TTN: variants seen among roughly 807,000 people sequenced by gnomAD.
TTN encodes connectin.
TTN carries 1,525 observed loss-of-function variants against 3,223.0 expected under a neutral mutation model. That is an observed-to-expected ratio of 0.47 (90% CI 0.45 to 0.49). The LOEUF (loss-of-function observed/expected upper bound fraction) is 0.49, where lower values mean the gene tolerates loss of function less well. Ranked by LOEUF, TTN falls within the 20% of genes least tolerant of loss-of-function variation. The probability of loss-of-function intolerance (pLI) is 0.00; values close to 1 mark genes in which losing one functional copy is unlikely to be tolerated. For synonymous variants in TTN, 14,094 were observed against 15,161.0 expected (o/e 0.93, Z 5.17); for missense variants, 40,786 against 43,424.0 (o/e 0.94, Z 5.40).
In TTN at chr2:178,612,319, A is replaced by T; in HGVS notation, c.50206T>A (p.Tyr16736Asn). 1 of 1,612,616 alleles carries T rather than the reference A, an allele frequency of 6.2e-7. No individual in the cohort carries two copies. The highest frequency in any genetic ancestry group is 8.5e-7 in the Non-Finnish European group (1 of 1,179,188). The change falls in exon 266 of 363, where the codon TAC (tyrosine) becomes AAC (asparagine). Residue 16736 changes from tyrosine to asparagine, a missense_variant. By Grantham distance (143) the Tyr-to-Asn change is moderately radical (BLOSUM62 -2). Transcript: ENST00000589042. ...AAENAIGQSD[Y>N]TEIEDSVLAK... ...AGCACAGAGTCCTCAATTTCGGTGTAGTCGCTTTGTCCTATAGCATTTTCT... is the reference window on the plus strand; with the variant it reads ...AGCACAGAGTCCTCAATTTCGGTGTTGTCGCTTTGTCCTATAGCATTTTCT...
In TTN at chr2:178,537,849, G is replaced by A. The variant is rs772473414; in HGVS notation, c.99358C>T (p.Leu33120Phe). ...VTTKLGEAAQ[L>F]SCQIVGRPLP... ...GGCCTTCCAACAATCTGGCATGAGA[G>A]TTGAGCAGCTTCACCCAATTTTGTG... The change falls in exon 355 of 363, where the codon CTC (leucine) becomes TTC (phenylalanine). Residue 33120 changes from leucine (L) to phenylalanine (F), a missense_variant. Physicochemically the swap from Leu to Phe is conservative, Grantham distance 22. Transcript: ENST00000589042. The A allele has an allele frequency of 1.1e-5, 18 of 1,613,484 alleles. No homozygotes were observed. The highest frequency in any genetic ancestry group is 2.7e-5 in the African/African-American group (2 of 74,888).
chr2:178,586,564 G>A lies in TTN; in HGVS notation c.64337C>T (p.Ala21446Val). Residue 21446 changes from alanine (A) to valine (V), a missense_variant, in exon 308 of 363, where the codon GCT becomes GTT. By Grantham distance (64) the Ala-to-Val change is moderately conservative (BLOSUM62 0). Coordinates refer to ENST00000589042, the MANE Select transcript of TTN (RefSeq NM_001267550.2). ...TTCTCTTGGCAAACTGACTCCAACA[G>A]CATTTCTGGCCGCTACTCTAAATTT... ...KYKFRVAARN[A>V]VGVSLPREAE... is the part of the protein sequence containing the mutation. 6.2e-7 allele frequency: 1 copy of A among 1,613,232 alleles called. No individual in the cohort carries two copies. The highest frequency in any genetic ancestry group is 1.1e-5 in the South Asian group (1 of 91,048).
At chr2:178,652,032 T>A in intron 204 of TTN, 64 bp downstream of exon 204, 2 of 1,611,762 alleles carry the variant, frequency 1.2e-6, no homozygotes, top group Non-Finnish European at 1.7e-6. Flanking sequence ...TGCAAAAAAA[T>A]GTTTTTACAA....
intron 24 of TTN, 144 bp from the exon 25 acceptor site, chr2:178,778,119 C>G: frequency 9.8e-7 from 1 of 1,017,104 alleles, no homozygotes; most frequent in South Asian, 1.5e-5. Context: ...TCATTCAGAT[C>G]TAAAATAGAA....
Position 178,590,642 on chromosome 2 carries a change from A to T in TTN, c.61083T>A (p.Asp20361Glu), listed in dbSNP as rs1250284752. Residue 20361 changes from aspartate to glutamate, a missense_variant, in exon 304 of 363, where the codon GAT (aspartate) becomes GAA (glutamate). Coordinates refer to ENST00000589042, the MANE Select transcript of TTN (RefSeq NM_001267550.2). ...AGLSKPSPSSDPIKACRPIKP... is the reference protein window; with the variant it reads ...AGLSKPSPSSEPIKACRPIKP... The stretch of plus-strand genomic sequence containing the variant: ...TGATGGGCCGGCAAGCTTTTATTGG[A>T]TCAGAACTTGGGGATGGTTTGCTTA... The T allele has an allele frequency of 6.2e-7, 1 of 1,613,170 alleles. No homozygotes were observed. The highest frequency in any genetic ancestry group is 1.7e-5 in the Admixed American group (1 of 59,952).
Position 178,609,550 on chromosome 2 carries a change from T to G in TTN, c.51760A>C (p.Arg17254=). ...DPIDAPKVIL[R]TSLEVKRGDE... ...CCTCGTTTCACTTCTAGGCTTGTTC[T>G]CAGAATGACTTTGGGGGCATCTATA... is the stretch of plus-strand genomic sequence containing the variant. The change falls in exon 273 of 363, where the codon AGA becomes CGA. Residue 17254 remains arginine (R), a synonymous_variant. Transcript: ENST00000589042. The G allele has an allele frequency of 6.2e-7, 1 of 1,609,176 alleles. No homozygotes were observed. The highest frequency in any genetic ancestry group is 8.5e-7 in the Non-Finnish European group (1 of 1,177,108).
At chr2:178,610,710 T>C (rs191269728) in intron 270 of TTN, among the ~76,000 whole-genome samples, 51 of 152,076 alleles carry the variant, frequency 3.4e-4, no homozygotes, top group African/African-American at 1.1e-3. Context: ...AATTAAAAAA[T>C]TGTGGTCATT....
chr2:178,753,386 T>A (rs1444284918), intron 46 of TTN: 4 of 452,882 alleles, frequency 8.8e-6, no homozygotes, highest in Non-Finnish European at 1.2e-5. Flanking sequence ...AAAACATTTT[T>A]ATTTTAGGTT....
Position 178,598,593 on chromosome 2 carries a change from C to T in TTN, c.57024G>A (p.Glu19008=), listed in dbSNP as rs1322696726. ...CACCATCTTTTAGTGGGGGAGACCA[C>T]TCCAGATCTGCAGATGATTTAGTCC... The part of the protein sequence containing the change: ...TDWTKSSADL[E]WSPPLKDGGS... The change falls in exon 292 of 363, where the codon GAG becomes GAA. Residue 19008 remains glutamate, a synonymous_variant. Coordinates refer to ENST00000589042, the MANE Select transcript of TTN (RefSeq NM_001267550.2). 1.2e-6 allele frequency: 2 copies of T among 1,608,546 alleles called. No homozygotes were observed. Among genetic ancestry groups the T allele is most frequent in the East Asian group, 2.2e-5 (1 of 44,596 alleles).
intron 149 of TTN, 110 bp from the exon 150 acceptor site, chr2:178,675,223 A>T: frequency 1.7e-6 from 1 of 605,584 alleles, no homozygotes; most frequent in Non-Finnish European, 2.8e-6. Context: ...AGGCACATAC[A>T]CAAGATGAAA....
At position 178,547,489 on chromosome 2, in the gene TTN, A is replaced by G. The variant is rs754407344; in HGVS notation, c.94137T>C (p.Tyr31379=). Residue 31379 remains tyrosine, a synonymous_variant, in exon 339 of 363, where the codon TAT becomes TAC. Transcript: ENST00000589042. ...KVTHLTKYME[Y]SFRVSSENRF... is the part of the protein sequence containing the mutation. ...TGTTCTCTGAACTGACACGGAAAGA[A>G]TATTCCATGTATTTTGTGAGATGAG... 1 of 1,613,180 alleles carries G rather than the reference A, an allele frequency of 6.2e-7. No individual in the cohort carries two copies. Among genetic ancestry groups the G allele is most frequent in the South Asian group, 1.1e-5 (1 of 91,008 alleles).
intron 330 of TTN, 28 bp from the exon 331 acceptor site, chr2:178,555,180 T>A: frequency 6.3e-7 from 1 of 1,583,900 alleles, no homozygotes. Context: ...GAGAAATATT[T>A]AAAATATTAT....
Position 178,581,513 on chromosome 2 carries a change from G to A in TTN, c.66755C>T (p.Pro22252Leu). 6.3e-7 allele frequency: 1 copy of A among 1,599,834 alleles called. No individual in the cohort carries two copies. The change falls in exon 316 of 363, where the codon CCC becomes CTC. Residue 22252 changes from proline (P) to leucine (L), a missense_variant. Transcript: ENST00000589042. ...GTAATACTTACTTAAGATGTCCTTG[G>A]GATAGTGTTTATCTGGCACATCACT... Reference protein sequence around the residue: ...DPSDVPDKHYPKDILIPPEGE... With the variant: ...DPSDVPDKHYLKDILIPPEGE...
Position 178,583,828 on chromosome 2 carries a change from C to T in TTN, c.65354G>A (p.Gly21785Glu). ...SLIWARPKHD[G>E]GSKIIGYFVE... ...GAAATAGCCAATAATTTTACTGCCT[C>T]CATCATGCTTTGGACGAGCCCAGAT... The change falls in exon 312 of 363, where the codon GGA becomes GAA. Residue 21785 changes from glycine (G) to glutamate (E), a missense_variant. Coordinates refer to ENST00000589042, the MANE Select transcript of TTN (RefSeq NM_001267550.2). 6.2e-7 allele frequency: 1 copy of T among 1,609,796 alleles called. No individual in the cohort carries two copies. Among genetic ancestry groups the T allele is most frequent in the Non-Finnish European group, 8.5e-7 (1 of 1,177,932 alleles).
In TTN at chr2:178,664,495, T is replaced by C. The variant is rs1385093997; in HGVS notation, c.36245A>G (p.His12082Arg). ...LREVVPEKKV[H>R]PPQRAEVVPV... ...TACAACTTCAGCCCTTTGGGGAGGA[T>C]GCACTTTCTTTTCCGGGACAACTTC... Residue 12082 changes from histidine (H) to arginine (R), a missense_variant, in exon 168 of 363, where the codon CAT becomes CGT. By Grantham distance (29) the His-to-Arg change is conservative (BLOSUM62 0). Transcript: ENST00000589042. 1.1e-5 allele frequency: 18 copies of C among 1,612,224 alleles called. No homozygotes were observed. The highest frequency in any genetic ancestry group is 1.5e-5 in the Non-Finnish European group (18 of 1,179,522).
Position 178,557,149 on chromosome 2 carries a change from G to C in TTN, c.88010-5C>G. 1 of 1,613,088 alleles carries C rather than the reference G, an allele frequency of 6.2e-7. No homozygotes were observed. The highest frequency in any genetic ancestry group is 8.5e-7 in the Non-Finnish European group (1 of 1,179,598). ...TACGAACATTTCTTGGGGGTTCTGT[G>C]GTAATAAGAGAAGCAGATTAGCGGC... On this transcript the variant is annotated splice_polypyrimidine_tract_variant and splice_region_variant and intron_variant, in intron 329 of 362. Coordinates refer to ENST00000589042, the MANE Select transcript of TTN (RefSeq NM_001267550.2).
Position 178,732,514 on chromosome 2 carries a change from T to C in TTN, c.16547A>G (p.Asp5516Gly). The change falls in exon 56 of 363, where the codon GAT becomes GGT. Residue 5516 changes from aspartate to glycine, a missense_variant. By Grantham distance (94) the Asp-to-Gly change is moderately conservative (BLOSUM62 -1). Transcript: ENST00000589042. ...SLELYLVKTS[D>G]SGTYTCKVSN... ...GACTTTACATGTGTACGTGCCCGAA[T>C]CAGAGGTTTTTACTAAATAGAGTTC... The C allele has an allele frequency of 6.2e-7, 1 of 1,613,732 alleles. No individual in the cohort carries two copies. Among genetic ancestry groups the C allele is most frequent in the South Asian group, 1.1e-5 (1 of 91,082 alleles).
At position 178,594,653 on chromosome 2, in the gene TTN, A is replaced by T; in HGVS notation, c.57848-7T>A. The T allele has an allele frequency of 1.9e-6, 3 of 1,584,588 alleles. No individual in the cohort carries two copies. Among genetic ancestry groups the T allele is most frequent in the Non-Finnish European group, 2.6e-6 (3 of 1,165,714 alleles). The stretch of plus-strand genomic sequence containing the variant: ...TCAGGACGCTCTGGTACAGCTGCGA[A>T]TATAAGTATAGGAATTGTGGTAGAA... On this transcript the variant is annotated splice_region_variant and splice_polypyrimidine_tract_variant and intron_variant, in intron 295 of 362. Transcript: ENST00000589042.
Position 178,663,849 on chromosome 2 carries a change from GAGGAGCCAAGGGCAC to G in TTN, c.36403_36417del (p.Val12135_Pro12139del). 1 of 1,613,428 alleles carries G rather than the reference GAGGAGCCAAGGGCAC, an allele frequency of 6.2e-7. No individual in the cohort carries two copies. The highest frequency in any genetic ancestry group is 8.5e-7 in the Non-Finnish European group (1 of 1,179,816). ...ACAGGTGGGACTTCAGGCTCTTTAG[GAGGAGCCAAGGGCAC>G]TTTCTCTTCGCGGATAACCTCTTTG... On this transcript the variant is annotated inframe_deletion, in exon 170 of 363. Coordinates refer to ENST00000589042, the MANE Select transcript of TTN (RefSeq NM_001267550.2).
Sources: allele counts gnomAD v4.1 joint callset (sites outside exome capture counted in the v4.1 genomes callset), GRCh38; gene constraint gnomAD v4.1.1; transcripts MANE v1.5; gene names NCBI Gene and HGNC (gene_info 2026-07-23, HGNC 2026-07-21).